NDUFA5: variants seen among roughly 807,000 people sequenced by gnomAD.
The protein encoded by NDUFA5 is NADH:ubiquinone oxidoreductase subunit A5, also known as NADH dehydrogenase [ubiquinone] 1 alpha subcomplex subunit 5.
A neutral mutation model predicts 19.8 loss-of-function variants in NDUFA5; 11 were observed. The ratio of observed to expected loss-of-function variants is 0.56; its 90% CI spans 0.35 to 0.92. The LOEUF (loss-of-function observed/expected upper bound fraction) is 0.92, where lower values mean the gene tolerates loss of function less well. Among genes scored for constraint, NDUFA5 ranks in the 40% least tolerant of loss-of-function variants. The pLI is 0.01. For synonymous variants in NDUFA5, 47 were observed against 46.8 expected, an observed-to-expected ratio of 1.00 and a Z score of -0.01; for missense variants, 109 against 134.2, an observed-to-expected ratio of 0.81 and a Z score of 0.93.
rs1402396480 is a variant in NDUFA5 at position 123,537,468 on chromosome 7, T to C, written c.*4651A>G. The C allele has an allele frequency of 6.6e-6, 1 of 152,206 alleles. No homozygotes were observed. The highest frequency in any genetic ancestry group is 1.5e-5 in the Non-Finnish European group (1 of 68,016). 9.4% of individuals were successfully genotyped at this position (152,206 alleles called of 1,614,324 possible). On this transcript the variant is annotated 3_prime_UTR_variant, in exon 5 of 5. Transcript: ENST00000355749. ...AAATATAGGTCTATTGTCCCTTTTC[T>C]GAAACCTTTTAAGACAGATGTGTTT...
chr7:123,587,989 T>C, the NDUFA5 span, among the ~76,000 whole-genome samples: 2 of 151,786 alleles, frequency 1.3e-5, no homozygotes, highest in East Asian at 3.9e-4. Context: ...TATTGCCATG[T>C]AATTTTCTTT....
At chr7:123,594,729 T>A in the NDUFA5 span, among the ~76,000 whole-genome samples, 1 of 152,188 alleles carries the variant, frequency 6.6e-6, no homozygotes, top group Non-Finnish European at 1.5e-5. Context: ...CCTGTCAGGC[T>A]ACACGGGGGT....
chr7:123,584,308 C>CAA, the NDUFA5 span, among the ~76,000 whole-genome samples: 12 of 99,504 alleles, frequency 1.2e-4, no homozygotes, highest in African/African-American at 4.3e-4. Context: ...AAGGCCTTGT[C>CAA]AAAAAAAAAA....
At chr7:123,561,980 G>A (rs558646770), upstream of NDUFA5, among the ~76,000 whole-genome samples, 3 of 152,056 alleles carry the variant, frequency 2.0e-5, no homozygotes, top group African/African-American at 7.2e-5. Context: ...AGATCTGTCA[G>A]AGGAATCGGT....
chr7:123,565,026 G>T, the NDUFA5 span, among the ~76,000 whole-genome samples: 134 of 151,984 alleles, frequency 8.8e-4, 1 homozygote, highest in East Asian at 0.02. Flanking sequence ...AAGTTGAAAA[G>T]TCCCACAATC....
At chr7:123,543,983 G>A (rs1266496701) in intron 4 of NDUFA5, among the ~76,000 whole-genome samples, 1 of 152,046 alleles carries the variant, frequency 6.6e-6, no homozygotes, top group African/African-American at 2.4e-5. Context: ...ATGTCTGTTG[G>A]TGATATACCT....
chr7:123,558,984 G>A (rs1006099282), upstream of NDUFA5, among the ~76,000 whole-genome samples: 5 of 151,810 alleles, frequency 3.3e-5, no homozygotes, highest in African/African-American at 1.2e-4. Context: ...TTAAAGATTA[G>A]AAAAGAAGGA....
chr7:123,572,427 C>G, the NDUFA5 span, among the ~76,000 whole-genome samples: 20 of 151,998 alleles, frequency 1.3e-4, no homozygotes, highest in Admixed American at 1.3e-4. Context: ...GCACGAGCCA[C>G]CACGCCCAGC....
At chr7:123,571,172 A>T in the NDUFA5 span, among the ~76,000 whole-genome samples, 1 of 152,258 alleles carries the variant, frequency 6.6e-6, no homozygotes, top group Non-Finnish European at 1.5e-5. Flanking sequence ...CACCAACTGC[A>T]CAGCAGTTGA....
At chr7:123,565,416 C>T in the NDUFA5 span, among the ~76,000 whole-genome samples, 1 of 152,020 alleles carries the variant, frequency 6.6e-6, no homozygotes, top group Non-Finnish European at 1.5e-5. Flanking sequence ...CACACACACA[C>T]ACACACACAC....
Sources: allele counts gnomAD v4.1 joint callset (sites outside exome capture counted in the v4.1 genomes callset), GRCh38; gene constraint gnomAD v4.1.1; transcripts MANE v1.5; gene names NCBI Gene and HGNC (gene_info 2026-07-23, HGNC 2026-07-21).